The following RAB27B variants were observed in gnomAD, a reference collection of about 807,000 sequenced individuals.
RAB27B encodes the protein RAB27B, member RAS oncogene family.
In RAB27B, 15 loss-of-function variants were observed where a neutral mutation model predicts 24.6. The observed-to-expected ratio is 0.61, with a 90% confidence interval of 0.41 to 0.94. The LOEUF (loss-of-function observed/expected upper bound fraction) is 0.94, where lower values mean the gene tolerates loss of function less well. Among genes scored for constraint, RAB27B ranks in the 40% least tolerant of loss-of-function variants. RAB27B has a pLI of 0.00. For synonymous variants in RAB27B, 105 were observed against 92.5 expected (o/e 1.14, Z -0.78); for missense variants, 261 against 266.8 (o/e 0.98, Z 0.15).
At chr18:54,876,469 C>A (rs1912706948) in intron 1 of RAB27B, among the ~76,000 whole-genome samples, 1 of 152,174 alleles carries the variant, frequency 6.6e-6, no homozygotes, top group African/African-American at 2.4e-5. Context: ...TAAACCTTTG[C>A]ATTCTAGAAA....
intron 2 of RAB27B, among the ~76,000 whole-genome samples, chr18:54,752,298 C>T (rs1907858022): frequency 6.6e-6 from 1 of 152,162 alleles, no homozygotes; most frequent in Non-Finnish European, 1.5e-5. Flanking sequence ...TGGCTACCAA[C>T]TGGAATCATT....
intron 2 of RAB27B, among the ~76,000 whole-genome samples, chr18:54,762,541 T>A (rs1908225078): frequency 6.6e-6 from 1 of 152,188 alleles, no homozygotes; most frequent in African/African-American, 2.4e-5. Flanking sequence ...CACTTTGCAA[T>A]AAGTTAGGCA....
chr18:54,868,785 C>T (rs527890216), intron 1 of RAB27B, among the ~76,000 whole-genome samples: 39 of 152,262 alleles, frequency 2.6e-4, no homozygotes, highest in Non-Finnish European at 5.1e-4. Flanking sequence ...TGCCACCACG[C>T]CTGGCAAATT....
chr18:54,872,312 T>C (rs1912503119), intron 1 of RAB27B, among the ~76,000 whole-genome samples: 1 of 152,164 alleles, frequency 6.6e-6, no homozygotes, highest in Non-Finnish European at 1.5e-5. Flanking sequence ...TTTGTACTCT[T>C]GTGCAACTTA....
At chr18:54,829,765 GT>G (rs1191565899) in intron 1 of RAB27B, among the ~76,000 whole-genome samples, 1 of 152,178 alleles carries the variant, frequency 6.6e-6, no homozygotes, top group Non-Finnish European at 1.5e-5. Flanking sequence ...TCAAGCTGCT[GT>G]AAAGTCCATA....
intron 2 of RAB27B, among the ~76,000 whole-genome samples, chr18:54,770,556 A>G (rs997815332): frequency 1.3e-5 from 2 of 152,060 alleles, no homozygotes; most frequent in African/African-American, 4.8e-5. Context: ...TATCTAGTGC[A>G]ATGTAATAAT....
intron 4 of RAB27B, among the ~76,000 whole-genome samples, chr18:54,887,121 A>G (rs1159115588): frequency 2.1e-5 from 3 of 141,864 alleles, no homozygotes; most frequent in African/African-American, 7.8e-5. Flanking sequence ...TGTTTTTTGG[A>G]GAAAAGAGAA....
At chr18:54,865,644 C>T (rs1321259514) in intron 1 of RAB27B, among the ~76,000 whole-genome samples, 1 of 152,082 alleles carries the variant, frequency 6.6e-6, no homozygotes, top group Non-Finnish European at 1.5e-5. Context: ...GATCCATTTG[C>T]TATTTGATTT....
chr18:54,855,524 A>G (rs990517530), intron 1 of RAB27B, among the ~76,000 whole-genome samples: 2 of 152,178 alleles, frequency 1.3e-5, no homozygotes, highest in African/African-American at 4.8e-5. Flanking sequence ...ATTTGAGCCA[A>G]TGATTCTCTT....
At chr18:54,877,856 T>C in intron 2 of RAB27B, 118 bp downstream of exon 2, 2 of 1,051,112 alleles carry the variant, frequency 1.9e-6, no homozygotes, top group East Asian at 6.1e-5. Context: ...TCATAACCTG[T>C]CATTTTAATT....
intron 2 of RAB27B, among the ~76,000 whole-genome samples, chr18:54,798,018 T>A (rs967184641): frequency 7.2e-5 from 11 of 152,226 alleles, no homozygotes; most frequent in African/African-American, 2.6e-4. Flanking sequence ...ATATTGATAT[T>A]TTTTTTTCAA....
At chr18:54,741,264 C>T (rs1180046628) in intron 2 of RAB27B, among the ~76,000 whole-genome samples, 1 of 152,166 alleles carries the variant, frequency 6.6e-6, no homozygotes, top group Admixed American at 6.6e-5. Flanking sequence ...CCATGTCACC[C>T]ACAGCCCTGT....
intron 2 of RAB27B, among the ~76,000 whole-genome samples, chr18:54,742,945 T>A (rs1295079366): frequency 1.3e-5 from 2 of 152,238 alleles, no homozygotes; most frequent in African/African-American, 4.8e-5. Context: ...CCAGACCATG[T>A]ACTACTTTTG....
chr18:54,791,346 A>G (rs1364394183), intron 2 of RAB27B, among the ~76,000 whole-genome samples: 1 of 152,160 alleles, frequency 6.6e-6, no homozygotes, highest in Non-Finnish European at 1.5e-5. Flanking sequence ...GGCTGAGGCT[A>G]GAGGACTGCT....
chr18:54,805,282 C>G (rs1486990897), intron 2 of RAB27B, among the ~76,000 whole-genome samples: 1 of 152,130 alleles, frequency 6.6e-6, no homozygotes, highest in Non-Finnish European at 1.5e-5. Flanking sequence ...TAAGGGGTCA[C>G]TGTGGCATTC....
At chr18:54,781,539 G>T (rs1908918350) in intron 2 of RAB27B, among the ~76,000 whole-genome samples, 1 of 151,884 alleles carries the variant, frequency 6.6e-6, no homozygotes, top group Non-Finnish European at 1.5e-5. Flanking sequence ...CTTGATACTT[G>T]CACAGACTGG....
At chr18:54,803,029 G>T (rs1909659341) in intron 2 of RAB27B, among the ~76,000 whole-genome samples, 1 of 152,012 alleles carries the variant, frequency 6.6e-6, no homozygotes, top group Non-Finnish European at 1.5e-5. Context: ...GTTATAACTG[G>T]CACTGAAGCT....
chr18:54,799,888 C>T (rs938519588), intron 2 of RAB27B, among the ~76,000 whole-genome samples: 3 of 152,084 alleles, frequency 2.0e-5, no homozygotes, highest in South Asian at 2.1e-4. Flanking sequence ...CCTTGTGATC[C>T]GCCTGCCTCA....
intron 2 of RAB27B, among the ~76,000 whole-genome samples, chr18:54,777,867 C>G (rs995139246): frequency 1.3e-5 from 2 of 151,812 alleles, no homozygotes; most frequent in East Asian, 1.9e-4. Context: ...CTCTCCCCCC[C>G]CACCCCTTCT....
Sources: allele counts gnomAD v4.1 joint callset (sites outside exome capture counted in the v4.1 genomes callset), GRCh38; gene constraint gnomAD v4.1.1; transcripts MANE v1.5; gene names NCBI Gene and HGNC (gene_info 2026-07-23, HGNC 2026-07-21).